Variants in MCC observed in about 807,000 individuals in gnomAD.
MCC encodes the protein colorectal mutant cancer protein.
MCC carries 90 observed loss-of-function variants against 116.2 expected under a neutral mutation model. That is an observed-to-expected ratio of 0.77 (90% confidence interval 0.65 to 0.92). The LOEUF (loss-of-function observed/expected upper bound fraction) is 0.92. MCC is among the 40% of genes least tolerant of loss of function. The pLI is 0.00. For synonymous variants in MCC, 578 were observed against 510.5 expected (o/e 1.13, Z -1.78); for missense variants, 1,516 against 1,312.2 (o/e 1.16, Z -2.40).
At position 113,054,172 on chromosome 5, in the gene MCC, G is replaced by A. The variant is rs77198715; in HGVS notation, c.2214-213C>T. Among the ~76,000 whole-genome samples the A allele has an allele frequency of 7.0e-3, 1,064 of 152,244 alleles. 13 individuals are homozygous for A. Among genetic ancestry groups the A allele is most frequent in the African/African-American group, 0.024 (980 of 41,534 alleles). Reference sequence around the variant, plus strand: ...ATAACAAATGCTTACACTCCTTGACGCAACACTGTGGACTCTAGAAATGAA... The same window carrying A: ...ATAACAAATGCTTACACTCCTTGACACAACACTGTGGACTCTAGAAATGAA... On this transcript the variant is annotated intron_variant, in intron 14 of 18. Transcript: ENST00000408903.
At chr5:113,201,746 C>T (rs1490568346) in intron 3 of MCC, among the ~76,000 whole-genome samples, 6 of 152,118 alleles carry the variant, frequency 3.9e-5, no homozygotes, top group African/African-American at 1.4e-4. Flanking sequence ...AGTAAAGGTT[C>T]ATTAATGCCC....
intron 2 of MCC, among the ~76,000 whole-genome samples, chr5:113,375,033 G>A (rs998080711): frequency 6.6e-6 from 1 of 150,774 alleles, no homozygotes; most frequent in African/African-American, 2.4e-5. Context: ...GTTTGTCTTG[G>A]AGCTTTTAGT....
intron 1 of MCC, among the ~76,000 whole-genome samples, chr5:113,411,684 A>C (rs977701123): frequency 1.3e-5 from 2 of 152,024 alleles, no homozygotes; most frequent in South Asian, 2.1e-4. Context: ...AAAAGAAAAA[A>C]GCAAAATAAA....
chr5:113,202,568 T>C (rs1173083899), intron 3 of MCC, among the ~76,000 whole-genome samples: 1 of 152,102 alleles, frequency 6.6e-6, no homozygotes, highest in Non-Finnish European at 1.5e-5. Context: ...CGACAGTGTA[T>C]TTGCAGGGGA....
At chr5:113,484,454 G>T (rs1051535081) in intron 1 of MCC, among the ~76,000 whole-genome samples, 7 of 152,126 alleles carry the variant, frequency 4.6e-5, no homozygotes, top group African/African-American at 1.7e-4. Context: ...TAAGTACTGA[G>T]TACACTGTTT....
At chr5:113,483,650 T>G (rs1218071311) in intron 1 of MCC, among the ~76,000 whole-genome samples, 1 of 152,112 alleles carries the variant, frequency 6.6e-6, no homozygotes, top group Non-Finnish European at 1.5e-5. Flanking sequence ...CTCAAAGACC[T>G]AAAGACAGAA....
chr5:113,230,176 T>C (rs968440835), intron 3 of MCC, among the ~76,000 whole-genome samples: 1 of 152,170 alleles, frequency 6.6e-6, no homozygotes, highest in African/African-American at 2.4e-5. Flanking sequence ...TAAGTTTTGT[T>C]TTTTTGTTTT....
At chr5:113,350,349 T>C (rs921719728) in intron 2 of MCC, among the ~76,000 whole-genome samples, 8 of 151,962 alleles carry the variant, frequency 5.3e-5, no homozygotes, top group South Asian at 2.1e-4. Context: ...AATAGACATA[T>C]AGGCCAGTGG....
intron 2 of MCC, among the ~76,000 whole-genome samples, chr5:113,373,160 C>T (rs1031423562): frequency 2.9e-4 from 43 of 149,064 alleles, no homozygotes; most frequent in African/African-American, 1.0e-3. Flanking sequence ...GCCTGGGGGA[C>T]AGAGCGAGAC....
chr5:113,123,079 ACT>A (rs1189201747), intron 5 of MCC, among the ~76,000 whole-genome samples: 1 of 151,900 alleles, frequency 6.6e-6, no homozygotes, highest in Admixed American at 6.6e-5. Context: ...GCCTGCAGAA[ACT>A]CTTCCCCTTT....
At position 113,043,674 on chromosome 5, in the gene MCC, G is replaced by A. The variant is rs189539779; in HGVS notation, c.2656-44C>T. On this transcript the variant is annotated intron_variant, in intron 16 of 18. Transcript: ENST00000408903. ...TTCCAGTTAGGCCTGAATCCAAGCC[G>A]GCAGCACCCTGGAAGCCTGCAGCAG... The A allele has an allele frequency of 2.0e-3, 2,906 of 1,440,430 alleles. 5 individuals are homozygous for A. Among genetic ancestry groups the A allele is most frequent in the Non-Finnish European group, 2.6e-3 (2,649 of 1,025,958 alleles). 89.2% of individuals were successfully genotyped at this position (1,440,430 alleles called of 1,614,324 possible).
intron 2 of MCC, among the ~76,000 whole-genome samples, chr5:113,357,672 G>T (rs1278301908): frequency 6.6e-6 from 1 of 152,196 alleles, no homozygotes; most frequent in East Asian, 1.9e-4. Context: ...AAATGGTGGA[G>T]CTTAACTCAT....
chr5:113,222,370 G>A (rs1763584019), intron 3 of MCC, among the ~76,000 whole-genome samples: 7 of 152,034 alleles, frequency 4.6e-5, no homozygotes, highest in Admixed American at 3.9e-4. Context: ...GTATTGCTCT[G>A]TACTTTTCTT....
intron 2 of MCC, among the ~76,000 whole-genome samples, chr5:113,377,978 G>T (rs1561543957): frequency 6.6e-6 from 1 of 152,136 alleles, no homozygotes; most frequent in Non-Finnish European, 1.5e-5. Flanking sequence ...TGTGTGACTT[G>T]AGTCTGGTTT....
At chr5:113,122,899 G>A (rs1312684929) in intron 5 of MCC, 73 bp from the exon 6 acceptor site, 4 of 1,483,790 alleles carry the variant, frequency 2.7e-6, no homozygotes, top group South Asian at 1.2e-5. Flanking sequence ...TGTCTTTTAA[G>A]GACAAGAAAA....
intron 3 of MCC, among the ~76,000 whole-genome samples, chr5:113,333,828 T>TATATATATAC (rs1767773141): frequency 8.1e-5 from 1 of 12,274 alleles, no homozygotes; most frequent in African/African-American, 1.2e-4. Flanking sequence ...TACATATATG[T>TATATATATAC]ATATATGTAT....
chr5:113,405,577 C>CCGCG (rs923187149), intron 1 of MCC, among the ~76,000 whole-genome samples: 8 of 151,956 alleles, frequency 5.3e-5, no homozygotes, highest in African/African-American at 1.9e-4. Flanking sequence ...TTTCTTGATG[C>CCGCG]CAGGAGTTCA....
At chr5:113,091,390 A>G (rs1397753662) in intron 8 of MCC, among the ~76,000 whole-genome samples, 2 of 152,194 alleles carry the variant, frequency 1.3e-5, no homozygotes, top group Non-Finnish European at 2.9e-5. Flanking sequence ...CAGAGTGAGG[A>G]CAACTACAGA....
chr5:113,470,186 A>C (rs1391429516), intron 1 of MCC, among the ~76,000 whole-genome samples: 1 of 152,040 alleles, frequency 6.6e-6, no homozygotes, highest in Non-Finnish European at 1.5e-5. Context: ...TTTACATTTA[A>C]AGTTAATATT....
Sources: gnomAD v4.1 joint callset for allele counts (sites outside exome capture counted in the v4.1 genomes callset) on GRCh38, gnomAD v4.1.1 for gene constraint, MANE v1.5 for transcripts, NCBI Gene and HGNC (gene_info 2026-07-23, HGNC 2026-07-21) for gene names.